SLC45A4: variants seen among roughly 807,000 people sequenced by gnomAD.
SLC45A4 encodes polyamine-transporter SLC45A4.
In SLC45A4, 32 loss-of-function variants were observed where a neutral mutation model predicts 63.7. The observed-to-expected ratio is 0.50, with a 90% CI of 0.38 to 0.67. The LOEUF (loss-of-function observed/expected upper bound fraction) is 0.67, where lower values mean the gene tolerates loss of function less well. SLC45A4 is among the 30% of genes least tolerant of loss of function. The pLI, the probability that SLC45A4 is intolerant of heterozygous loss-of-function variation, is 0.00. For missense variants in SLC45A4, 1,027 were observed against 1,157.7 expected (o/e 0.89, Z 1.64); for synonymous variants, 535 against 510.0 (o/e 1.05, Z -0.66).
chr8:141,291,107 C>T (rs759665051), intron 1 of SLC45A4, among the ~76,000 whole-genome samples: 25 of 152,314 alleles, frequency 1.6e-4, no homozygotes, highest in Non-Finnish European at 2.6e-4. Flanking sequence ...CCTTGGCCTC[C>T]CAAAGTGCTG....
rs576228293 is a variant in SLC45A4, at chr8:141,264,623, G to A, written c.-400-9994C>T. On this transcript the variant is annotated intron_variant, in intron 1 of 8. Transcript: ENST00000517878. ...TCCATTAATGTTATAAACTAGCCTG[G>A]GGGGAGCCAATATCCTCAGGCTGCT... Among the ~76,000 whole-genome samples, 15 of 152,222 alleles carry A rather than the reference G, an allele frequency of 9.9e-5. No individual in the cohort carries two copies. The South Asian group carries it at 3.1e-3, about 32-fold the overall frequency.
intron 1 of SLC45A4, among the ~76,000 whole-genome samples, chr8:141,279,459 C>T (rs1206613459): frequency 2.6e-5 from 4 of 152,272 alleles, no homozygotes; most frequent in South Asian, 2.1e-4. Flanking sequence ...CCCATTCTTA[C>T]GTCTGTCACT....
chr8:141,250,382 C>T (rs1325204074), intron 2 of SLC45A4, among the ~76,000 whole-genome samples: 1 of 149,862 alleles, frequency 6.7e-6, no homozygotes, highest in Admixed American at 6.7e-5. Context: ...TTTTGCCCAA[C>T]TATAGGCTGG....
In SLC45A4 at chr8:141,256,435, C is replaced by T. The variant is rs1828777764; in HGVS notation, c.-400-1806G>A. The T allele has an allele frequency of 2.4e-6, 1 of 418,376 alleles. No individual in the cohort carries two copies. Among genetic ancestry groups the T allele is most frequent in the Non-Finnish European group, 4.9e-6 (1 of 205,164 alleles). The allele number at this position is 418,376 out of a possible 1,614,324, so 25.9% of individuals were successfully genotyped here. On this transcript the variant is annotated intron_variant, in intron 1 of 8. Coordinates refer to ENST00000517878, the MANE Select transcript of SLC45A4 (RefSeq NM_001286646.2). This position sits in a 1 kb window ranked among gnomAD's most constrained non-coding sequence, Gnocchi z 4.3. ...CTTAATTAGCTCCTCCTCTCTTTCT[C>T]CCCAGAGGAGACCAGAAACCTCGAG...
intron 1 of SLC45A4, among the ~76,000 whole-genome samples, chr8:141,306,903 G>C (rs1467547702): frequency 6.6e-6 from 1 of 152,134 alleles, no homozygotes; most frequent in Non-Finnish European, 1.5e-5. Context: ...CCTCGCTCCG[G>C]GTCATAGACT....
At chr8:141,271,737 C>A (rs1450348789) in intron 1 of SLC45A4, among the ~76,000 whole-genome samples, 3 of 152,248 alleles carry the variant, frequency 2.0e-5, no homozygotes, top group African/African-American at 7.2e-5. Context: ...TTCACCAACA[C>A]TCTTCCTGAC....
chr8:141,219,022 G>A lies in SLC45A4; in HGVS notation c.618C>T (p.Gly206=), dbSNP rs151249043. ...CACCCAGCACGTAGCCGATGGCTCCGCCGAGGCCTGCGTGGGAGGAAGCAG... is the reference window on the plus strand; with the variant it reads ...CACCCAGCACGTAGCCGATGGCTCCACCGAGGCCTGCGTGGGAGGAAGCAG... The part of the protein sequence containing the change: ...LNIHAFSAGL[G]GAIGYVLGGL... The change falls in exon 5 of 9, where the codon GGC becomes GGT. Residue 206 remains glycine, a synonymous_variant. Coordinates refer to ENST00000517878, the MANE Select transcript of SLC45A4 (RefSeq NM_001286646.2). 500 of 1,608,184 alleles carry A rather than the reference G, an allele frequency of 3.1e-4. 1 individual carries two copies. The highest frequency in any genetic ancestry group is 1.3e-3 in the Admixed American group (77 of 59,866).
chr8:141,264,470 T>C (rs1157070369), intron 1 of SLC45A4, among the ~76,000 whole-genome samples: 5 of 152,296 alleles, frequency 3.3e-5, no homozygotes, highest in Middle Eastern at 3.4e-3. Context: ...AGGGTCCTGA[T>C]GTTGCTGCTT....
chr8:141,254,651 C>T lies in SLC45A4; in HGVS notation c.-400-22G>A, dbSNP rs748427594. On this transcript the variant is annotated intron_variant, in intron 1 of 8. Coordinates refer to ENST00000517878, the MANE Select transcript of SLC45A4 (RefSeq NM_001286646.2). The surrounding 1 kb of genome is among the most constrained non-coding windows in gnomAD (Gnocchi z 4.5). Reference sequence around the variant, plus strand: ...TGATCTGCAAAAGAGGAAAACAACCCGGCCAGAGAGTCAGGGGACGGCCAC... The same window carrying T: ...TGATCTGCAAAAGAGGAAAACAACCTGGCCAGAGAGTCAGGGGACGGCCAC... 2.3e-5 allele frequency: 16 copies of T among 697,048 alleles called. No individual in the cohort carries two copies. Among genetic ancestry groups the T allele is most frequent in the South Asian group, 9.0e-5 (6 of 66,912 alleles). 43.2% of individuals were successfully genotyped at this position (697,048 alleles called of 1,614,324 possible).
intron 5 of SLC45A4, 22 bp downstream of exon 5, chr8:141,217,989 G>A (rs879937260): frequency 2.8e-5 from 7 of 249,902 alleles, no homozygotes; most frequent in Non-Finnish European, 3.6e-5. Context: ...GAGCGGCCCC[G>A]CTCCGGTGGC....
intron 2 of SLC45A4, among the ~76,000 whole-genome samples, chr8:141,235,222 C>A (rs1018773892): frequency 3.9e-5 from 6 of 152,212 alleles, no homozygotes; most frequent in African/African-American, 1.4e-4. Context: ...GGGAACGGCA[C>A]TGACTGCTCA....
chr8:141,301,734 C>CAAAAAAAAAA (rs564016568), intron 1 of SLC45A4, among the ~76,000 whole-genome samples: 2,910 of 39,516 alleles, frequency 0.074, 396 homozygotes, highest in Non-Finnish European at 0.1. Flanking sequence ...GACCCTATCT[C>CAAAAAAAAAA]AAAAAAAAAA....
rs1315391921 is a variant in SLC45A4, at chr8:141,208,552, G to C, written c.*3020C>G. 1 of 152,456 alleles carries C rather than the reference G, an allele frequency of 6.6e-6. No individual in the cohort carries two copies. The highest frequency in any genetic ancestry group is 1.9e-4 in the East Asian group (1 of 5,200). The allele number at this position is 152,456 out of a possible 1,614,324, so 9.4% of individuals were successfully genotyped here. A position where few individuals can be genotyped will look rare whatever the true frequency, so the allele number is the denominator to read the frequency against. Reference sequence around the variant, plus strand: ...GACTGGACAGAGTGCTTCTCCCAGGGGCCTGAGGCTTTCAAGGGCAGGTGT... The same window carrying C: ...GACTGGACAGAGTGCTTCTCCCAGGCGCCTGAGGCTTTCAAGGGCAGGTGT... On this transcript the variant is annotated 3_prime_UTR_variant, in exon 9 of 9. Coordinates refer to ENST00000517878, the MANE Select transcript of SLC45A4 (RefSeq NM_001286646.2).
intron 2 of SLC45A4, among the ~76,000 whole-genome samples, chr8:141,232,290 C>T (rs1827395907): frequency 1.3e-5 from 2 of 152,264 alleles, no homozygotes; most frequent in Admixed American, 1.3e-4. Flanking sequence ...GGCTGGTTCA[C>T]GTCCAAGGCT....
chr8:141,226,276 G>A (rs920232221), intron 2 of SLC45A4: 1 of 152,306 alleles, frequency 6.6e-6, no homozygotes, highest in Non-Finnish European at 1.5e-5. Context: ...GATCAGTGGA[G>A]ACACAGAGCC....
chr8:141,216,971 A>ACCCAGAAGTCAGTGCGACTGATGGC, intron 6 of SLC45A4, 119 bp downstream of exon 6: 2 of 1,000,046 alleles, frequency 2.0e-6, no homozygotes, highest in Admixed American at 4.3e-5. Flanking sequence ...GTTTTGAGGG[A>ACCCAGAAGTCAGTGCGACTGATGGC]CCCAGAAGTC....
At chr8:141,301,028 G>A (rs943167892) in intron 1 of SLC45A4, among the ~76,000 whole-genome samples, 11 of 152,128 alleles carry the variant, frequency 7.2e-5, no homozygotes, top group South Asian at 2.1e-4. Flanking sequence ...TCAGAGAGCC[G>A]CAAGGTCCCC....
intron 1 of SLC45A4, among the ~76,000 whole-genome samples, chr8:141,279,251 G>A (rs761707723): frequency 1.3e-5 from 2 of 152,224 alleles, no homozygotes; most frequent in African/African-American, 2.4e-5. Flanking sequence ...CCTCCCATCC[G>A]CCTACTCAGA....
At chr8:141,286,176 GGGGTGCCCAAGGCACT>G (rs1830137879) in intron 1 of SLC45A4, among the ~76,000 whole-genome samples, 1 of 152,190 alleles carries the variant, frequency 6.6e-6, no homozygotes, top group Non-Finnish European at 1.5e-5. Flanking sequence ...TCCAGCCCTT[GGGGTGCCCAAGGCACT>G]GGGTGCCCAC....
Sources: allele counts gnomAD v4.1 joint callset (sites outside exome capture counted in the v4.1 genomes callset), GRCh38; gene constraint gnomAD v4.1.1; non-coding constraint Gnocchi (gnomAD v3.1); transcripts MANE v1.5; gene names NCBI Gene and HGNC (gene_info 2026-07-23, HGNC 2026-07-21).